Variants in PEX16 observed in about 807,000 individuals in gnomAD.
PEX16 encodes peroxin 16.
PEX16 carries 37 observed loss-of-function variants against 50.5 expected under a neutral mutation model. The ratio of observed to expected loss-of-function variants is 0.73; its 90% CI spans 0.56 to 0.96. PEX16 has a LOEUF of 0.96. PEX16 is among the 40% of genes least tolerant of loss of function. PEX16 has a pLI of 0.00. For missense variants in PEX16, 401 were observed against 438.3 expected (o/e 0.91, Z 0.76); for synonymous variants, 185 against 190.3 (o/e 0.97, Z 0.23).
chr11:45,915,343 A>C (rs1401119296), intron 5 of PEX16, 125 bp downstream of exon 5: 9 of 712,994 alleles, frequency 1.3e-5, no homozygotes, highest in Non-Finnish European at 2.0e-5. Context: ...GGCAATGAGA[A>C]CACATAGTTG....
In PEX16 at chr11:45,910,897, C is replaced by T; in HGVS notation, c.952+1G>A. On this transcript the variant is annotated splice_donor_variant, in intron 10 of 10. Coordinates refer to ENST00000378750, the MANE Select transcript of PEX16 (RefSeq NM_004813.4). LOFTEE classifies it high-confidence loss of function. ...GTCATCGCGTCCCCATCCCTGCTTA[C>T]TTGTGACCAGGCCAACGCCAGGGAC... The T allele has an allele frequency of 1.2e-6, 2 of 1,613,498 alleles. No individual in the cohort carries two copies. The highest frequency in any genetic ancestry group is 1.7e-6 in the Non-Finnish European group (2 of 1,179,870).
upstream of PEX16, chr11:45,917,879 C>T (rs1327144938): frequency 8.7e-7 from 1 of 1,143,714 alleles, no homozygotes; most frequent in Non-Finnish European, 1.3e-6. Context: ...GCTTCCTGCG[C>T]CCTCCTTCCT....
chr11:45,915,715 A>C lies in PEX16; in HGVS notation c.347T>G (p.Val116Gly). 1 of 1,614,074 alleles carries C rather than the reference A, an allele frequency of 6.2e-7. No individual in the cohort carries two copies. The highest frequency in any genetic ancestry group is 8.5e-7 in the Non-Finnish European group (1 of 1,180,002). ...EVGRWLVIAL[V>G]QLAKAVLRML... ...AATCCCAACCTACTTGGCCAGCTGG[A>C]CGAGGGCGATGACAAGCCAGCGGCC... The change falls in exon 4 of 11, where the codon GTC (valine) becomes GGC (glycine). Residue 116 changes from valine (V) to glycine (G), a missense_variant. By Grantham distance (109) the Val-to-Gly change is moderately radical. Transcript: ENST00000378750.
Position 45,914,649 on chromosome 11 carries a change from A to G in PEX16, c.496T>C (p.Tyr166His). 6.2e-7 allele frequency: 1 copy of G among 1,614,204 alleles called. No individual in the cohort carries two copies. Among genetic ancestry groups the G allele is most frequent in the Non-Finnish European group, 8.5e-7 (1 of 1,180,016 alleles). ...ACCCGGTTTGACCGCTTCCCCACGT[A>G]GGACTGCTCATGGTTGCCAGGGCTG... ...DHSPGNHEQS[Y>H]VGKRSNRVVR... is the part of the protein sequence containing the mutation. The change falls in exon 6 of 11, where the codon TAC (tyrosine) becomes CAC (histidine). Residue 166 changes from tyrosine (Y) to histidine (H), a missense_variant. Coordinates refer to ENST00000378750, the MANE Select transcript of PEX16 (RefSeq NM_004813.4).
At chr11:45,911,711 G>A (rs1339860048) in intron 9 of PEX16, among the ~76,000 whole-genome samples, 3 of 152,276 alleles carry the variant, frequency 2.0e-5, no homozygotes, top group African/African-American at 7.2e-5. Context: ...TTATATGTCT[G>A]TCTGAGCAGC....
rs985536232 is a variant in PEX16, at chr11:45,911,805, A to G, written c.888-843T>C. On this transcript the variant is annotated intron_variant, in intron 9 of 10. Coordinates refer to ENST00000378750, the MANE Select transcript of PEX16 (RefSeq NM_004813.4). ...TTGGGAGGCCAAGGCGGGCAGATCAATTGTGGTCAGGAGTTCGAGACGAGC... is the reference window on the plus strand; with the variant it reads ...TTGGGAGGCCAAGGCGGGCAGATCAGTTGTGGTCAGGAGTTCGAGACGAGC... The G allele has an allele frequency of 6.7e-5, 10 of 150,060 alleles. No individual in the cohort carries two copies. In the East Asian group the frequency reaches 1.2e-3, roughly 18 times the overall value. The allele number at this position is 150,060 out of a possible 1,614,324, so 9.3% of individuals were successfully genotyped here. A position where few individuals can be genotyped will look rare whatever the true frequency, so the allele number is the denominator to read the frequency against.
At chr11:45,917,636 G>C (rs761841285) in intron 1 of PEX16, 64 bp downstream of exon 1, 1 of 1,485,462 alleles carries the variant, frequency 6.7e-7, no homozygotes. Flanking sequence ...ACTCCGCAGG[G>C]AAGGGGGCCA....
chr11:45,915,917 C>T (rs543216879), intron 3 of PEX16, 81 bp from the exon 4 acceptor site: 7 of 1,377,668 alleles, frequency 5.1e-6, no homozygotes, highest in Non-Finnish European at 7.2e-6. Flanking sequence ...GGGAGCTTCT[C>T]TGACAAGAGA....
At position 45,915,748 on chromosome 11, in the gene PEX16, C is replaced by A; in HGVS notation, c.314G>T (p.Gly105Val). ...FMEMGAAKVW[G>V]EVGRWLVIAL... ...GATGACAAGCCAGCGGCCCACTTCA[C>A]CCCACACCTTGGCAGCTCCCATCTC... Residue 105 changes from glycine to valine, a missense_variant, in exon 4 of 11, where the codon GGT (glycine) becomes GTT (valine). Transcript: ENST00000378750. 1.2e-6 allele frequency: 2 copies of A among 1,613,956 alleles called. No individual in the cohort carries two copies. The highest frequency in any genetic ancestry group is 4.5e-5 in the East Asian group (2 of 44,840).
At chr11:45,918,524 C>T (rs546002814), upstream of PEX16, 1 of 152,720 alleles carries the variant, frequency 6.5e-6, no homozygotes, top group South Asian at 2.0e-4. Context: ...ACTGTGCCCC[C>T]CAAAGGGCTC....
At chr11:45,915,396 T>C (rs903472215) in intron 5 of PEX16, 72 bp downstream of exon 5, 2 of 1,125,842 alleles carry the variant, frequency 1.8e-6, no homozygotes, top group African/African-American at 1.5e-5. Context: ...ACTGTATTCA[T>C]GCTGGTTGGA....
In PEX16 at chr11:45,910,140, C is replaced by A. The variant is rs776023539; in HGVS notation, c.*114G>T. The A allele has an allele frequency of 6.2e-7, 1 of 1,611,718 alleles. No homozygotes were observed. The highest frequency in any genetic ancestry group is 8.5e-7 in the Non-Finnish European group (1 of 1,179,924). On this transcript the variant is annotated 3_prime_UTR_variant, in exon 11 of 11. Transcript: ENST00000378750. ...GTGGCGACCAGGGCTGTGTGTGGGGCCTGGCCGGTAGGCACGGAGAGGCCG... is the reference window on the plus strand; with the variant it reads ...GTGGCGACCAGGGCTGTGTGTGGGGACTGGCCGGTAGGCACGGAGAGGCCG...
Position 45,914,243 on chromosome 11 carries a change from C to T in PEX16, c.695-40G>A, listed in dbSNP as rs1023213575. 3.1e-6 allele frequency: 5 copies of T among 1,613,314 alleles called. No individual in the cohort carries two copies. The African/African-American group carries it at 6.7e-5, about 22-fold the overall frequency. On this transcript the variant is annotated intron_variant, in intron 7 of 10. Coordinates refer to ENST00000378750, the MANE Select transcript of PEX16 (RefSeq NM_004813.4). ...GTCAAGGATGTCTCCAGCACAGGGGCCTTGCTCAGCACACTCCCCACTCAA... is the reference window on the plus strand; with the variant it reads ...GTCAAGGATGTCTCCAGCACAGGGGTCTTGCTCAGCACACTCCCCACTCAA...
intron 2 of PEX16, 176 bp downstream of exon 2, chr11:45,917,282 T>A (rs1193443982): frequency 1.4e-6 from 1 of 693,864 alleles, no homozygotes; most frequent in African/African-American, 1.8e-5. Flanking sequence ...GTCTCTTGAC[T>A]TAGGGACATG....
intron 9 of PEX16, 38 bp from the exon 10 acceptor site, chr11:45,911,000 G>A (rs766272922): frequency 6.8e-6 from 10 of 1,469,192 alleles, no homozygotes; most frequent in Admixed American, 1.7e-5. Context: ...GCTGAGTGGG[G>A]TGGGGGTGGG....
Position 45,914,451 on chromosome 11 carries a change from T to C in PEX16, c.559A>G (p.Arg187Gly). 1 of 1,608,304 alleles carries C rather than the reference T, an allele frequency of 6.2e-7. No individual in the cohort carries two copies. The highest frequency in any genetic ancestry group is 8.5e-7 in the Non-Finnish European group (1 of 1,179,898). ...CGCTGCTGGGGAGCTCCCCAGTGCC[T>C]GGAGTGCAGGGACGGCGCTAGAACA... is the stretch of plus-strand genomic sequence containing the variant. ...TLQNTPSLHS[R>G]HWGAPQQREG... Residue 187 changes from arginine to glycine, a missense_variant, in exon 7 of 11, where the codon AGG becomes GGG. Physicochemically the swap from Arg to Gly is moderately radical, Grantham distance 125. Transcript: ENST00000378750.
Position 45,909,919 on chromosome 11 carries a change from G to A in PEX16, c.*335C>T. On this transcript the variant is annotated 3_prime_UTR_variant, in exon 11 of 11. Coordinates refer to ENST00000378750, the MANE Select transcript of PEX16 (RefSeq NM_004813.4). The stretch of plus-strand genomic sequence containing the variant: ...GTCCTCACCAGGGGCCAGCGAGAGA[G>A]CAGCAGTGTTCGCTCCTATGGCTGC... 2 of 653,642 alleles carry A rather than the reference G, an allele frequency of 3.1e-6. No individual in the cohort carries two copies. The highest frequency in any genetic ancestry group is 4.5e-5 in the Admixed American group (2 of 44,230). The allele number at this position is 653,642 out of a possible 1,614,324, so 40.5% of individuals were successfully genotyped here. A position where few individuals can be genotyped will look rare whatever the true frequency, so the allele number is the denominator to read the frequency against.
Position 45,910,280 on chromosome 11 carries a change from T to C in PEX16, c.985A>G (p.Lys329Glu). ...CAGCCCCAACTGTAGAAGTAGATTT[T>C]CTGCCAGGTGGGCAAGTAATCCATG... is the stretch of plus-strand genomic sequence containing the variant. ...PLMDYLPTWQ[K>E]IYFYSWG The change falls in exon 11 of 11, where the codon AAA becomes GAA. Residue 329 changes from lysine (K) to glutamate (E), a missense_variant. Lys to Glu is a moderately conservative substitution (Grantham distance 56, BLOSUM62 1). Coordinates refer to ENST00000378750, the MANE Select transcript of PEX16 (RefSeq NM_004813.4). 1 of 1,613,814 alleles carries C rather than the reference T, an allele frequency of 6.2e-7. No individual in the cohort carries two copies. The highest frequency in any genetic ancestry group is 8.5e-7 in the Non-Finnish European group (1 of 1,179,898).
chr11:45,915,484 G>C lies in PEX16; in HGVS notation c.444C>G (p.Thr148=), dbSNP rs1278944049. 5.6e-6 allele frequency: 9 copies of C among 1,613,884 alleles called. No individual in the cohort carries two copies. The Admixed American group carries it at 1.2e-4, about 21-fold the overall frequency. Residue 148 remains threonine (T), a synonymous_variant, in exon 5 of 11, where the codon ACC becomes ACG. Transcript: ENST00000378750. ...GTAGCTCACCCGGGGGCTGTGCCTG[G>C]GTCTCTCTGTCCAGTGGAACGATAG... The part of the protein sequence containing the change: ...SPPIVPLDRE[T]QAQPPDGDHS...
Sources: gnomAD v4.1 joint callset for allele counts (sites outside exome capture counted in the v4.1 genomes callset) on GRCh38, gnomAD v4.1.1 for gene constraint, MANE v1.5 for transcripts, NCBI Gene and HGNC (gene_info 2026-07-23, HGNC 2026-07-21) for gene names.